Variants in LSR observed in about 807,000 individuals in gnomAD.
LSR encodes the protein lipolysis-stimulated lipoprotein receptor.
LSR carries 44 observed loss-of-function variants against 61.8 expected under a neutral mutation model. The observed-to-expected ratio is 0.71, with a 90% confidence interval of 0.56 to 0.91. The LOEUF (loss-of-function observed/expected upper bound fraction) is 0.91, where lower values mean the gene tolerates loss of function less well. LSR is among the 40% of genes least tolerant of loss of function. LSR has a pLI of 0.00. For synonymous variants in LSR, 397 were observed against 350.6 expected (o/e 1.13, Z -1.48); for missense variants, 911 against 830.5 (o/e 1.10, Z -1.19).
chr19:35,254,933 T>A (rs2065839199), intron 2 of LSR, among the ~76,000 whole-genome samples: 1 of 152,164 alleles, frequency 6.6e-6, no homozygotes, highest in African/African-American at 2.4e-5. Context: ...AGATGCCAGA[T>A]TTCAACCCCT....
intron 2 of LSR, among the ~76,000 whole-genome samples, chr19:35,252,054 T>G (rs913560285): frequency 3.3e-5 from 5 of 151,084 alleles, no homozygotes; most frequent in African/African-American, 1.2e-4. Context: ...CGGGATGGTC[T>G]CGATCTCCTG....
At chr19:35,260,995 A>G (rs1461868832) in intron 3 of LSR, among the ~76,000 whole-genome samples, 2 of 152,198 alleles carry the variant, frequency 1.3e-5, no homozygotes, top group Non-Finnish European at 1.5e-5. Flanking sequence ...GGCCTTGTGG[A>G]CAGGACCACG....
chr19:35,250,699 C>T (rs757615626), intron 2 of LSR, 40 bp downstream of exon 2: 34 of 1,462,262 alleles, frequency 2.3e-5, no homozygotes, highest in Non-Finnish European at 2.9e-5. Context: ...TGGGCTTGCC[C>T]GGGTGGTGGG....
In LSR at chr19:35,250,340, C is replaced by T. The variant is rs766984646; in HGVS notation, c.135C>T (p.Thr45=). The T allele has an allele frequency of 5.1e-6, 8 of 1,559,542 alleles. No homozygotes were observed. The highest frequency in any genetic ancestry group is 7.0e-6 in the Non-Finnish European group (8 of 1,145,650). The change falls in exon 2 of 10, where the codon ACC becomes ACT. Residue 45 remains threonine, a synonymous_variant. Transcript: ENST00000605618. ...CTCCTGCCAGGGCCATCCAGGTGAC[C>T]GTGTCCAACCCCTACCACGTGGTGA... The part of the protein sequence containing the change: ...CTAPARAIQV[T]VSNPYHVVIL...
At chr19:35,254,969 C>G (rs909049721) in intron 2 of LSR, among the ~76,000 whole-genome samples, 2 of 152,200 alleles carry the variant, frequency 1.3e-5, no homozygotes, top group Non-Finnish European at 2.9e-5. Flanking sequence ...TTTGCCATGG[C>G]AGGCGGTTCC....
chr19:35,262,245 GCT>G (rs937608964), intron 4 of LSR, among the ~76,000 whole-genome samples: 13 of 152,290 alleles, frequency 8.5e-5, no homozygotes, highest in African/African-American at 1.9e-4. Flanking sequence ...TGGGCAGCTG[GCT>G]CTCTCTTTGG....
Position 35,266,422 on chromosome 19 carries a change from C to A in LSR, c.842C>A (p.Ala281Asp). Residue 281 changes from alanine (A) to aspartate (D), a missense_variant, in exon 6 of 10, where the codon GCC (alanine) becomes GAC (aspartate). Coordinates refer to ENST00000605618, the MANE Select transcript of LSR (RefSeq NM_205834.4). ...VPSIYAPSTYAHLSPAKTPPP... is the reference protein window; with the variant it reads ...VPSIYAPSTYDHLSPAKTPPP... ...AGCATTTATGCCCCCAGCACCTATGCCCACCTGTCTCCCGCCAAGACCCCA... is the reference window on the plus strand; with the variant it reads ...AGCATTTATGCCCCCAGCACCTATGACCACCTGTCTCCCGCCAAGACCCCA... 6.2e-7 allele frequency: 1 copy of A among 1,611,940 alleles called. No homozygotes were observed. Among genetic ancestry groups the A allele is most frequent in the South Asian group, 1.1e-5 (1 of 90,740 alleles).
At position 35,266,909 on chromosome 19, in the gene LSR, G is replaced by A; in HGVS notation, c.1086G>A (p.Lys362=). 1 of 1,613,880 alleles carries A rather than the reference G, an allele frequency of 6.2e-7. No individual in the cohort carries two copies. Among genetic ancestry groups the A allele is most frequent in the Non-Finnish European group, 8.5e-7 (1 of 1,179,914 alleles). The change falls in exon 8 of 10, where the codon AAG becomes AAA. Residue 362 remains lysine (K), a synonymous_variant. Coordinates refer to ENST00000605618, the MANE Select transcript of LSR (RefSeq NM_205834.4). ...TGCGGGTCCTGTACTACATGGAGAA[G>A]GAGCTGGCCAACTTCGACCCTTCTC... ...DSMRVLYYME[K]ELANFDPSRP...
Position 35,267,676 on chromosome 19 carries a change from C to T in LSR, c.1712C>T (p.Ala571Val), listed in dbSNP as rs762863089. The change falls in exon 9 of 10, where the codon GCG becomes GTG. Residue 571 changes from alanine (A) to valine (V), a missense_variant. Physicochemically the swap from Ala to Val is moderately conservative, Grantham distance 64. Coordinates refer to ENST00000605618, the MANE Select transcript of LSR (RefSeq NM_205834.4). ...GAGGAAGAGGCCTACTACCCGCCCG[C>T]GCCGCCCCCGTACTCGGAGACCGAC... ...EEEEEAYYPP[A>V]PPPYSETDSQ... The T allele has an allele frequency of 1.9e-6, 3 of 1,604,692 alleles. No homozygotes were observed. The African/African-American group carries it at 4.0e-5, about 22-fold the overall frequency.
rs2065984034 is a variant in LSR, at chr19:35,265,407, G to A, written c.779-952G>A. Among the ~76,000 whole-genome samples the A allele has an allele frequency of 2.6e-5, 4 of 152,286 alleles. No homozygotes were observed. The South Asian group carries it at 6.2e-4, about 24-fold the overall frequency. ...TACATCTGCTGCTGCCACAGCCTCC[G>A]CCCACCCTTCAGGAGGCAGCAGGTC... On this transcript the variant is annotated intron_variant, in intron 5 of 9. Coordinates refer to ENST00000605618, the MANE Select transcript of LSR (RefSeq NM_205834.4).
Position 35,266,672 on chromosome 19 carries a change from C to A in LSR, c.953-7C>A. 6.2e-7 allele frequency: 1 copy of A among 1,606,380 alleles called. No homozygotes were observed. The highest frequency in any genetic ancestry group is 8.5e-7 in the Non-Finnish European group (1 of 1,176,950). ...GTGCGCGGCCACTGACAGCCACTCT[C>A]CCCCAGCTGGTGGCCAAGGCTCCTA... On this transcript the variant is annotated splice_polypyrimidine_tract_variant and splice_region_variant and intron_variant, in intron 6 of 9. Coordinates refer to ENST00000605618, the MANE Select transcript of LSR (RefSeq NM_205834.4).
At chr19:35,256,770 C>T (rs1006761045) in intron 2 of LSR, among the ~76,000 whole-genome samples, 1 of 152,030 alleles carries the variant, frequency 6.6e-6, no homozygotes, top group Non-Finnish European at 1.5e-5. Context: ...CAGCCATGTG[C>T]CCAGAATGAT....
At chr19:35,262,252 C>A (rs895837644) in intron 4 of LSR, among the ~76,000 whole-genome samples, 3 of 152,148 alleles carry the variant, frequency 2.0e-5, no homozygotes, top group African/African-American at 7.2e-5. Context: ...CTGGCTCTCT[C>A]TTTGGTCTGG....
intron 3 of LSR, 95 bp downstream of exon 3, chr19:35,259,159 TA>T: frequency 6.7e-7 from 1 of 1,483,196 alleles, no homozygotes; most frequent in Non-Finnish European, 9.1e-7. Context: ...CCCTCCAGCT[TA>T]CCCTCTGGGC....
intron 4 of LSR, 116 bp downstream of exon 4, chr19:35,262,097 A>G: frequency 3.0e-6 from 3 of 987,418 alleles, no homozygotes; most frequent in Non-Finnish European, 4.5e-6. Flanking sequence ...TGGACCCCTC[A>G]CTAACCTGGC....
At chr19:35,255,210 C>T (rs1016057283) in intron 2 of LSR, among the ~76,000 whole-genome samples, 1 of 152,112 alleles carries the variant, frequency 6.6e-6, no homozygotes, top group Non-Finnish European at 1.5e-5. Flanking sequence ...ATGGCACACC[C>T]TGCTACTCTG....
chr19:35,253,849 G>A (rs951416291), intron 2 of LSR, among the ~76,000 whole-genome samples: 7 of 152,252 alleles, frequency 4.6e-5, no homozygotes, highest in Admixed American at 1.3e-4. Flanking sequence ...TCTGCTGGAC[G>A]CAAAAGTCCA....
At chr19:35,262,810 C>A in intron 5 of LSR, 118 bp downstream of exon 5, 1 of 1,299,242 alleles carries the variant, frequency 7.7e-7, no homozygotes, top group Non-Finnish European at 1.0e-6. Flanking sequence ...TGAATTTAGC[C>A]AGTGGGGAGA....
In LSR at chr19:35,249,330, C is replaced by T. The variant is rs2065760278; in HGVS notation, c.109+199C>T. 4 of 615,462 alleles carry T rather than the reference C, an allele frequency of 6.5e-6. No individual in the cohort carries two copies. The South Asian group carries it at 9.8e-5, about 15-fold the overall frequency. The allele number at this position is 615,462 out of a possible 1,614,324, so 38.1% of individuals were successfully genotyped here. A position where few individuals can be genotyped will look rare whatever the true frequency, so the allele number is the denominator to read the frequency against. On this transcript the variant is annotated intron_variant, in intron 1 of 9. Coordinates refer to ENST00000605618, the MANE Select transcript of LSR (RefSeq NM_205834.4). ...TGTGCCGGGGAGCGCTCCCCGCGCC[C>T]TTATCTGGAAGATAGCAGGAAGTGA...
Sources: gnomAD v4.1 joint callset for allele counts (sites outside exome capture counted in the v4.1 genomes callset) on GRCh38, gnomAD v4.1.1 for gene constraint, MANE v1.5 for transcripts, NCBI Gene and HGNC (gene_info 2026-07-23, HGNC 2026-07-21) for gene names.